BCL11A: variants seen among roughly 807,000 people sequenced by gnomAD.
BCL11A encodes B cell CLL/lymphoma 11A.
BCL11A carries 2 observed loss-of-function variants against 55.9 expected under a neutral mutation model. The observed-to-expected ratio is 0.04, with a 90% CI of 0.01 to 0.11. The LOEUF is 0.11. Among genes scored for constraint, BCL11A ranks in the 10% least tolerant of loss-of-function variants. The pLI, the probability that BCL11A is intolerant of heterozygous loss-of-function variation, is 1.00. For synonymous variants in BCL11A, 465 were observed against 473.4 expected, an observed-to-expected ratio of 0.98 and a Z score of 0.23; for missense variants, 817 against 1,137.1, an observed-to-expected ratio of 0.72 and a Z score of 4.05.
chr2:60,481,091 T>G (rs1043096467), intron 2 of BCL11A, among the ~76,000 whole-genome samples: 3 of 152,008 alleles, frequency 2.0e-5, no homozygotes, highest in Non-Finnish European at 4.4e-5. Flanking sequence ...GTCACCCAAG[T>G]TGCACTAGAT....
intron 2 of BCL11A, among the ~76,000 whole-genome samples, chr2:60,490,031 C>G (rs1678533377): frequency 6.6e-6 from 1 of 152,236 alleles, no homozygotes; most frequent in African/African-American, 2.4e-5. Flanking sequence ...TTCCTGCCCA[C>G]TCCCCATCTG....
At chr2:60,493,981 T>C (rs1678800947) in intron 2 of BCL11A, among the ~76,000 whole-genome samples, 1 of 151,972 alleles carries the variant, frequency 6.6e-6, no homozygotes, top group South Asian at 2.1e-4. Flanking sequence ...TGGCGGAAGC[T>C]GATTAAAGGA....
At chr2:60,521,665 T>A (rs992050148) in intron 2 of BCL11A, among the ~76,000 whole-genome samples, 4 of 152,232 alleles carry the variant, frequency 2.6e-5, no homozygotes, top group Non-Finnish European at 5.9e-5. Context: ...TGTCCCCTTC[T>A]TTCTGAGAGT....
At chr2:60,513,040 A>C (rs1042686604) in intron 2 of BCL11A, among the ~76,000 whole-genome samples, 1 of 152,158 alleles carries the variant, frequency 6.6e-6, no homozygotes, top group Non-Finnish European at 1.5e-5. Context: ...TTACCCCCTG[A>C]GAAAGGCAGA....
At chr2:60,506,856 A>G (rs947168454) in intron 2 of BCL11A, among the ~76,000 whole-genome samples, 1 of 152,190 alleles carries the variant, frequency 6.6e-6, no homozygotes, top group African/African-American at 2.4e-5. Flanking sequence ...CTAAACATTC[A>G]ATTAATGTAA....
At chr2:60,481,664 C>A (rs980537506) in intron 2 of BCL11A, among the ~76,000 whole-genome samples, 2 of 152,138 alleles carry the variant, frequency 1.3e-5, no homozygotes, top group Non-Finnish European at 2.9e-5. Context: ...TCTTGACGCT[C>A]CACCCCCTAC....
chr2:60,519,823 A>T (rs1426098503), intron 2 of BCL11A, among the ~76,000 whole-genome samples: 2 of 152,346 alleles, frequency 1.3e-5, no homozygotes, highest in Non-Finnish European at 2.9e-5. Context: ...CTCCAATGAC[A>T]AAGAAAACTC....
Position 60,460,488 on chromosome 2 carries a change from A to C in BCL11A, c.2424T>G (p.Pro808=). ...DVYKCEICKM[P]FSVYSTLEKH... ...TCTCCAGGGTACTGTACACGCTAAAAGGCATCTTACAAATTTCACATTTGT... is the reference window on the plus strand; with the variant it reads ...TCTCCAGGGTACTGTACACGCTAAACGGCATCTTACAAATTTCACATTTGT... Residue 808 remains proline (P), a synonymous_variant, in exon 4 of 4, where the codon CCT becomes CCG. Transcript: ENST00000642384. 1 of 1,614,106 alleles carries C rather than the reference A, an allele frequency of 6.2e-7. No homozygotes were observed. The highest frequency in any genetic ancestry group is 8.5e-7 in the Non-Finnish European group (1 of 1,180,028).
intron 2 of BCL11A, among the ~76,000 whole-genome samples, chr2:60,519,834 A>G (rs1475057329): frequency 6.6e-6 from 1 of 152,246 alleles, no homozygotes; most frequent in East Asian, 1.9e-4. Flanking sequence ...AAGAAAACTC[A>G]GTGAAGACAA....
In BCL11A at chr2:60,457,508, G is replaced by A. The variant is rs1427742138; in HGVS notation, c.*2896C>T. ...TTACGACAAACAGCTTTCATTACAG[G>A]AATAGAAAAGGCCAATAACAAAATA... On this transcript the variant is annotated 3_prime_UTR_variant, in exon 4 of 4. Coordinates refer to ENST00000642384, the MANE Select transcript of BCL11A (RefSeq NM_022893.4). The A allele has an allele frequency of 2.9e-6, 3 of 1,044,514 alleles. No homozygotes were observed. Among genetic ancestry groups the A allele is most frequent in the South Asian group, 4.6e-5 (1 of 21,778 alleles). The allele number at this position is 1,044,514 out of a possible 1,614,324, so 64.7% of individuals were successfully genotyped here. A position where few individuals can be genotyped will look rare whatever the true frequency, so the allele number is the denominator to read the frequency against.
At chr2:60,509,415 C>G (rs573366071) in intron 2 of BCL11A, among the ~76,000 whole-genome samples, 1 of 152,310 alleles carries the variant, frequency 6.6e-6, no homozygotes, top group South Asian at 2.1e-4. Context: ...CACAGCAGAG[C>G]CACACGGACG....
At position 60,458,121 on chromosome 2, in the gene BCL11A, T is replaced by C; in HGVS notation, c.*2283A>G. 9.7e-7 allele frequency: 1 copy of C among 1,030,224 alleles called. No individual in the cohort carries two copies. The highest frequency in any genetic ancestry group is 1.2e-6 in the Non-Finnish European group (1 of 856,100). 63.8% of individuals were successfully genotyped at this position (1,030,224 alleles called of 1,614,324 possible). ...AAAATACAAGCTTCAATATAAATACTATAGTGCCTAACACTAGATGAACAT... is the reference window on the plus strand; with the variant it reads ...AAAATACAAGCTTCAATATAAATACCATAGTGCCTAACACTAGATGAACAT... On this transcript the variant is annotated 3_prime_UTR_variant, in exon 4 of 4. Transcript: ENST00000642384.
chr2:60,512,947 G>A (rs1280407759), intron 2 of BCL11A, among the ~76,000 whole-genome samples: 1 of 152,104 alleles, frequency 6.6e-6, no homozygotes, highest in African/African-American at 2.4e-5. Flanking sequence ...CCTCTTAGAC[G>A]TCTCAGAGAT....
intron 1 of BCL11A, among the ~76,000 whole-genome samples, chr2:60,549,332 G>T (rs757282294): frequency 6.6e-6 from 1 of 152,222 alleles, no homozygotes; most frequent in African/African-American, 2.4e-5. Flanking sequence ...GGGAGCGGAG[G>T]GGGAGGGGGA....
chr2:60,499,022 C>T (rs1679115717), intron 2 of BCL11A, among the ~76,000 whole-genome samples: 2 of 152,178 alleles, frequency 1.3e-5, no homozygotes, highest in Non-Finnish European at 2.9e-5. Flanking sequence ...TCCACTGATT[C>T]TGTCCCCACA....
chr2:60,474,765 A>C (rs1677426207), intron 2 of BCL11A, among the ~76,000 whole-genome samples: 1 of 152,182 alleles, frequency 6.6e-6, no homozygotes, highest in Admixed American at 6.5e-5. Flanking sequence ...CATTCAACAA[A>C]TATTTACCGA....
chr2:60,549,452 A>C (rs1670295135), intron 1 of BCL11A, among the ~76,000 whole-genome samples: 1 of 152,226 alleles, frequency 6.6e-6, no homozygotes, highest in African/African-American at 2.4e-5. Flanking sequence ...CAAAGAAACA[A>C]AAGCAAAGCC....
chr2:60,454,278 G>C (rs1217209425), downstream of BCL11A, among the ~76,000 whole-genome samples: 1 of 152,096 alleles, frequency 6.6e-6, no homozygotes, highest in African/African-American at 2.4e-5. Flanking sequence ...CAATGGGTTC[G>C]TTTATTTTCT....
downstream of BCL11A, among the ~76,000 whole-genome samples, chr2:60,453,519 C>T (rs1293195422): frequency 6.6e-6 from 1 of 152,204 alleles, no homozygotes; most frequent in African/African-American, 2.4e-5. Context: ...CAGCTGCTCT[C>T]ACGCATCCCA....
Sources: gnomAD v4.1 joint callset for allele counts (sites outside exome capture counted in the v4.1 genomes callset) on GRCh38, gnomAD v4.1.1 for gene constraint, MANE v1.5 for transcripts, NCBI Gene and HGNC (gene_info 2026-07-23, HGNC 2026-07-21) for gene names.